Variants in OR4K1 observed in about 807,000 individuals in gnomAD.
The protein encoded by OR4K1 is olfactory receptor 4K1.
In OR4K1, 16 loss-of-function variants were observed where a neutral mutation model predicts 14.4. The ratio of observed to expected loss-of-function variants is 1.11; its 90% CI spans 0.75 to 1.68. The LOEUF is 1.68. Ranked by LOEUF, OR4K1 falls within the 40% of genes most tolerant of loss-of-function variation. The pLI, the probability that OR4K1 is intolerant of heterozygous loss-of-function variation, is 0.00. For missense variants in OR4K1, 548 were observed against 376.9 expected, an observed-to-expected ratio of 1.45 and a Z score of -3.76; for synonymous variants, 181 against 133.1, an observed-to-expected ratio of 1.36 and a Z score of -2.48.
At chr14:19,927,123 A>G (rs1882078212), upstream of OR4K1, among the ~76,000 whole-genome samples, 1 of 152,280 alleles carries the variant, frequency 6.6e-6, no homozygotes, top group Non-Finnish European at 1.5e-5. Flanking sequence ...AGGAATTGGT[A>G]TGAACAGATA....
chr14:19,927,295 A>G (rs1882081806), upstream of OR4K1, among the ~76,000 whole-genome samples: 1 of 152,246 alleles, frequency 6.6e-6, no homozygotes, highest in African/African-American at 2.4e-5. Context: ...GATGACCTTC[A>G]TGGACACTCA....
the OR4K1 span, chr14:19,921,704 A>C: frequency 2.8e-6 from 3 of 1,057,262 alleles, no homozygotes; most frequent in East Asian, 5.4e-5. Flanking sequence ...ATGAATATTA[A>C]CAAGTCTTTT....
chr14:19,927,811 CCTT>C (rs1882093601), upstream of OR4K1, among the ~76,000 whole-genome samples: 1 of 152,342 alleles, frequency 6.6e-6, no homozygotes, highest in South Asian at 2.1e-4. Context: ...TACCTGTAGT[CCTT>C]CTCCCCAGAC....
chr14:19,921,522 C>T, the OR4K1 span: 1 of 1,613,770 alleles, frequency 6.2e-7, no homozygotes, highest in Non-Finnish European at 8.5e-7. Flanking sequence ...GAACCATTAC[C>T]TGAGGCCAAG....
At chr14:19,921,057 G>A in the OR4K1 span, 1 of 1,614,194 alleles carries the variant, frequency 6.2e-7, no homozygotes, top group African/African-American at 1.3e-5. Context: ...CTCCTGGGCT[G>A]TGAGCTTGGT....
At chr14:19,923,025 T>C in the OR4K1 span, among the ~76,000 whole-genome samples, 1 of 152,278 alleles carries the variant, frequency 6.6e-6, no homozygotes, top group Admixed American at 6.5e-5. Flanking sequence ...GATTTTCTTC[T>C]GTAAATTAAA....
intron 1 of OR4K1, among the ~76,000 whole-genome samples, chr14:19,934,504 T>TTACA (rs1882258055): frequency 6.6e-6 from 1 of 152,278 alleles, no homozygotes; most frequent in East Asian, 1.9e-4. Flanking sequence ...TCATTTATTG[T>TTACA]TAATTGCTTT....
At chr14:19,922,764 A>G in the OR4K1 span, among the ~76,000 whole-genome samples, 1 of 152,212 alleles carries the variant, frequency 6.6e-6, no homozygotes, top group Non-Finnish European at 1.5e-5. Flanking sequence ...GTCACTTCAA[A>G]GAAACTTTCC....
chr14:19,933,335 CCTCATGGTGTCAAATTTTAT>C (rs1882228165), intron 1 of OR4K1, among the ~76,000 whole-genome samples: 1 of 152,024 alleles, frequency 6.6e-6, no homozygotes, highest in African/African-American at 2.4e-5. Flanking sequence ...ATAAGCAGTT[CCTCATGGTGTCAAATTTTAT>C]CTTTTTAAAT....
upstream of OR4K1, among the ~76,000 whole-genome samples, chr14:19,928,663 T>C (rs1363856653): frequency 6.6e-6 from 1 of 152,178 alleles, no homozygotes. Context: ...ATAAAATGTA[T>C]GTTTCTATTT....
chr14:19,920,598 C>G, the OR4K1 span: 1 of 1,592,696 alleles, frequency 6.3e-7, no homozygotes, highest in Non-Finnish European at 8.5e-7. Flanking sequence ...AAGTTTGCAG[C>G]TTGGAACCAT....
Position 19,935,906 on chromosome 14 carries a change from G to A in OR4K1, c.240G>A (p.Lys80=). 6.2e-7 allele frequency: 1 copy of A among 1,614,238 alleles called. No individual in the cohort carries two copies. The highest frequency in any genetic ancestry group is 2.2e-5 in the East Asian group (1 of 44,892). The change falls in exon 2 of 2, where the codon AAG becomes AAA. Residue 80 remains lysine, a synonymous_variant. Transcript: ENST00000641172. The stretch of plus-strand genomic sequence containing the variant: ...GTCAGTCTAACTTTGCCACCCCCAA[G>A]ATGCTTGTAGACTTTTTTATTGAGC... ...DICQSNFATP[K]MLVDFFIERK...
At chr14:19,922,848 T>C in the OR4K1 span, among the ~76,000 whole-genome samples, 1 of 152,228 alleles carries the variant, frequency 6.6e-6, no homozygotes, top group Admixed American at 6.5e-5. Flanking sequence ...TATTTTTTCA[T>C]TTCAAGAGTG....
At chr14:19,928,886 A>G (rs1353122980), upstream of OR4K1, among the ~76,000 whole-genome samples, 1 of 152,106 alleles carries the variant, frequency 6.6e-6, no homozygotes, top group African/African-American at 2.4e-5. Context: ...TTTACAAGGA[A>G]TTAGTCTCAT....
At chr14:19,932,071 T>TA (rs2138591604) in intron 1 of OR4K1, among the ~76,000 whole-genome samples, 1 of 152,320 alleles carries the variant, frequency 6.6e-6, no homozygotes, top group East Asian at 1.9e-4. Context: ...TACTTGCATT[T>TA]AAAAAATCAT....
chr14:19,924,331 C>G, the OR4K1 span, among the ~76,000 whole-genome samples: 1 of 125,806 alleles, frequency 7.9e-6, no homozygotes, highest in Non-Finnish European at 1.6e-5. Context: ...ACTTGGGAGG[C>G]GGAGGTTGTG....
rs538172337 is a variant in OR4K1, at chr14:19,934,757, G to A, written c.-19-891G>A. Among the ~76,000 whole-genome samples, 27 of 150,372 alleles carry A rather than the reference G, an allele frequency of 1.8e-4. No homozygotes were observed. In the South Asian group the frequency reaches 3.6e-3, roughly 20 times the overall value. On this transcript the variant is annotated intron_variant, in intron 1 of 1. Coordinates refer to ENST00000641172, the MANE Select transcript of OR4K1 (RefSeq NM_001004063.3). ...GTGATCTCGGCTCACTGCAACCTCC[G>A]CCTCCCAGGTTCAAGCAATTCTCCT...
chr14:19,923,601 A>G, the OR4K1 span, among the ~76,000 whole-genome samples: 1 of 152,258 alleles, frequency 6.6e-6, no homozygotes, highest in African/African-American at 2.4e-5. Context: ...ACAAAAAATT[A>G]CAATTATTTA....
chr14:19,923,149 G>A, the OR4K1 span, among the ~76,000 whole-genome samples: 1 of 152,124 alleles, frequency 6.6e-6, no homozygotes, highest in Non-Finnish European at 1.5e-5. Flanking sequence ...ATCAGACTTG[G>A]TGTCATTTAT....
Sources: allele counts gnomAD v4.1 joint callset (sites outside exome capture counted in the v4.1 genomes callset), GRCh38; gene constraint gnomAD v4.1.1; transcripts MANE v1.5; gene names NCBI Gene and HGNC (gene_info 2026-07-23, HGNC 2026-07-21).